CFAP221: variants seen among roughly 807,000 people sequenced by gnomAD.
CFAP221 encodes cilia- and flagella-associated protein 221.
In CFAP221, 97 loss-of-function variants were observed where a neutral mutation model predicts 113.1. That is an observed-to-expected ratio of 0.86 (90% CI 0.73 to 1.02). The LOEUF is 1.02. Ranked by LOEUF, CFAP221 falls within the 50% of genes least tolerant of loss-of-function variation. CFAP221 has a pLI of 0.00. For missense variants in CFAP221, 1,025 were observed against 1,013.4 expected (o/e 1.01, Z -0.16); for synonymous variants, 331 against 354.4 (o/e 0.93, Z 0.74).
intron 6 of CFAP221, among the ~76,000 whole-genome samples, chr2:119,563,665 T>A (rs914541268): frequency 6.6e-6 from 1 of 152,326 alleles, no homozygotes; most frequent in Middle Eastern, 3.4e-3. Context: ...GATTGATTGC[T>A]GTCTGTGAAG....
Position 119,611,150 on chromosome 2 carries a change from G to A in CFAP221, c.1222-503G>A, listed in dbSNP as rs149524456. 2.6e-5 allele frequency among the ~76,000 whole-genome samples: 4 copies of A among 152,212 alleles called. No individual in the cohort carries two copies. In the East Asian group the frequency reaches 7.7e-4, roughly 29 times the overall value. On this transcript the variant is annotated intron_variant, in intron 12 of 23. Transcript: ENST00000413369. ...CTTAAAACCTGACACCTGGATAATCGACTCTGAGGAGCTTAAAACTTTACA... is the reference window on the plus strand; with the variant it reads ...CTTAAAACCTGACACCTGGATAATCAACTCTGAGGAGCTTAAAACTTTACA...
At chr2:119,546,001 GAGAC>G in intron 1 of CFAP221, 80 bp from the exon 2 acceptor site, 1 of 1,013,824 alleles carries the variant, frequency 9.9e-7, no homozygotes, top group Admixed American at 2.9e-5. Flanking sequence ...AAACCACACA[GAGAC>G]GAGGTACATT....
At chr2:119,648,965 A>G (rs1456875330) in intron 22 of CFAP221, among the ~76,000 whole-genome samples, 1 of 152,162 alleles carries the variant, frequency 6.6e-6, no homozygotes, top group Non-Finnish European at 1.5e-5. Flanking sequence ...ATCATTCTGC[A>G]TTTGGTTCTG....
chr2:119,591,368 G>C (rs948625011), intron 7 of CFAP221, among the ~76,000 whole-genome samples: 1 of 151,070 alleles, frequency 6.6e-6, no homozygotes, highest in African/African-American at 2.4e-5. Flanking sequence ...AAGCTGGACA[G>C]ACAGGTGGCA....
chr2:119,610,261 CG>C (rs1051583701), intron 12 of CFAP221, among the ~76,000 whole-genome samples: 34 of 152,096 alleles, frequency 2.2e-4, no homozygotes, highest in African/African-American at 7.7e-4. Flanking sequence ...GGAGATCAAA[CG>C]TCTCAGGGAC....
chr2:119,635,844 G>A (rs1430690683), intron 19 of CFAP221, among the ~76,000 whole-genome samples: 3 of 152,204 alleles, frequency 2.0e-5, no homozygotes, highest in East Asian at 3.9e-4. Context: ...CTGAGAAAGA[G>A]GTGTCTAGGA....
chr2:119,596,577 T>C (rs1322499501), intron 7 of CFAP221, among the ~76,000 whole-genome samples: 3 of 152,204 alleles, frequency 2.0e-5, no homozygotes, highest in Non-Finnish European at 4.4e-5. Context: ...GGATATTTGA[T>C]GAACAGGGAT....
At chr2:119,572,862 A>G in intron 6 of CFAP221, 1 of 364,400 alleles carries the variant, frequency 2.7e-6, no homozygotes, top group East Asian at 4.0e-5. Context: ...GGCCACATTA[A>G]CAACATTCAC....
intron 7 of CFAP221, among the ~76,000 whole-genome samples, chr2:119,591,685 C>T (rs1198459320): frequency 6.6e-6 from 1 of 152,192 alleles, no homozygotes; most frequent in Non-Finnish European, 1.5e-5. Context: ...GAAACTCTTA[C>T]CTCACACCTC....
intron 6 of CFAP221, among the ~76,000 whole-genome samples, chr2:119,578,285 T>G (rs1682596266): frequency 6.6e-6 from 1 of 152,244 alleles, no homozygotes; most frequent in South Asian, 2.1e-4. Context: ...GAAGAACACA[T>G]AGACTCCACC....
intron 7 of CFAP221, among the ~76,000 whole-genome samples, chr2:119,591,682 T>C (rs1683608866): frequency 6.6e-6 from 1 of 152,206 alleles, no homozygotes. Context: ...AATGAAACTC[T>C]TACCTCACAC....
rs547712036 is a variant in CFAP221, at chr2:119,638,861, C to A, written c.2133+444C>A. On this transcript the variant is annotated intron_variant, in intron 20 of 23. Transcript: ENST00000413369. Reference sequence around the variant, plus strand: ...CAGGGAACCACCCTGACCTGAATATCCCCTGACACCCCTTGAGGATTATCC... The same window carrying A: ...CAGGGAACCACCCTGACCTGAATATACCCTGACACCCCTTGAGGATTATCC... Among the ~76,000 whole-genome samples, 40 of 152,242 alleles carry A rather than the reference C, an allele frequency of 2.6e-4. No individual in the cohort carries two copies. In the East Asian group the frequency reaches 6.8e-3, roughly 26 times the overall value.
chr2:119,603,980 T>C (rs1684540359), intron 8 of CFAP221, among the ~76,000 whole-genome samples: 1 of 152,198 alleles, frequency 6.6e-6, no homozygotes, highest in Non-Finnish European at 1.5e-5. Context: ...TCTGAGTCTC[T>C]TTTTGAAACA....
chr2:119,660,238 T>A (rs939776), downstream of CFAP221: 142,425 of 152,302 alleles, frequency 0.94, 66,972 homozygotes, highest in East Asian at 1. Flanking sequence ...CACCTGGTGG[T>A]TGCCACAAGA....
chr2:119,642,869 C>G (rs974185437), intron 21 of CFAP221, among the ~76,000 whole-genome samples: 1 of 151,586 alleles, frequency 6.6e-6, no homozygotes. Flanking sequence ...GGCACTAATC[C>G]TATTCATGAG....
At chr2:119,602,604 C>T in intron 8 of CFAP221, 2 of 984,736 alleles carry the variant, frequency 2.0e-6, no homozygotes, top group African/African-American at 3.5e-5. Flanking sequence ...ATTTTTCTTC[C>T]TAAAAATTCA....
At chr2:119,632,303 A>C (rs1245862155) in intron 19 of CFAP221, among the ~76,000 whole-genome samples, 2 of 152,256 alleles carry the variant, frequency 1.3e-5, no homozygotes, top group East Asian at 3.8e-4. Flanking sequence ...TAAAAAGGAT[A>C]ATGTATCATA....
At chr2:119,638,499 A>T in intron 20 of CFAP221, 82 bp downstream of exon 20, 1 of 1,536,102 alleles carries the variant, frequency 6.5e-7, no homozygotes, top group South Asian at 1.2e-5. Context: ...TCACAGCTGG[A>T]ATTGCGACAA....
chr2:119,642,875 A>C (rs1461824591), intron 21 of CFAP221, among the ~76,000 whole-genome samples: 1 of 151,772 alleles, frequency 6.6e-6, no homozygotes, highest in Non-Finnish European at 1.5e-5. Context: ...AATCCTATTC[A>C]TGAGGGCTCC....
Sources: gnomAD v4.1 joint callset for allele counts (sites outside exome capture counted in the v4.1 genomes callset) on GRCh38, gnomAD v4.1.1 for gene constraint, MANE v1.5 for transcripts, NCBI Gene and HGNC (gene_info 2026-07-23, HGNC 2026-07-21) for gene names.